The following RAI14 variants were observed in gnomAD, a reference collection of about 807,000 sequenced individuals.
RAI14 encodes retinoic acid induced 14, also known as ankycorbin.
In RAI14, 45 loss-of-function variants were observed where a neutral mutation model predicts 115.4. That is an observed-to-expected ratio of 0.39 (90% CI 0.31 to 0.50). RAI14 has a LOEUF of 0.50. Ranked by LOEUF, RAI14 falls within the 20% of genes least tolerant of loss-of-function variation. The pLI is 0.85. For missense variants in RAI14, 939 were observed against 1,131.2 expected (o/e 0.83, Z 2.44); for synonymous variants, 371 against 415.4 (o/e 0.89, Z 1.30).
chr5:34,717,706 AG>A (rs1471591190), intron 2 of RAI14, among the ~76,000 whole-genome samples: 1 of 152,076 alleles, frequency 6.6e-6, no homozygotes, highest in Non-Finnish European at 1.5e-5. Flanking sequence ...TTGCTGGCTG[AG>A]GGGTGGCTCT....
intron 3 of RAI14, among the ~76,000 whole-genome samples, chr5:34,783,002 G>C (rs1751851169): frequency 6.6e-6 from 1 of 152,158 alleles, no homozygotes; most frequent in South Asian, 2.1e-4. Context: ...TCAATTATAG[G>C]AGCAGATTTA....
At chr5:34,708,683 G>A (rs1384370948) in intron 2 of RAI14, among the ~76,000 whole-genome samples, 1 of 152,162 alleles carries the variant, frequency 6.6e-6, no homozygotes, top group African/African-American at 2.4e-5. Flanking sequence ...ATATTTGGAT[G>A]TTTTGCCAAG....
At chr5:34,768,424 AC>A (rs1644237948) in intron 3 of RAI14, among the ~76,000 whole-genome samples, 1 of 152,196 alleles carries the variant, frequency 6.6e-6, no homozygotes, top group Admixed American at 6.5e-5. Flanking sequence ...TATTCATTCA[AC>A]TTAGAGATCT....
rs567308691 is a variant in RAI14, at chr5:34,792,248, T to C, written c.168-3691T>C. The stretch of plus-strand genomic sequence containing the variant: ...CTTTTCTTTTTTCTTTTTTTTTTTT[T>C]TTTGAGACGGAGTCTCTCTCTGTCG... On this transcript the variant is annotated intron_variant, in intron 3 of 17. Transcript: ENST00000265109. 3.9e-4 allele frequency among the ~76,000 whole-genome samples: 59 copies of C among 149,700 alleles called. No homozygotes were observed. The East Asian group carries it at 6.2e-3, about 16-fold the overall frequency.
At chr5:34,661,035 T>C (rs1742652671) in intron 1 of RAI14, among the ~76,000 whole-genome samples, 1 of 152,180 alleles carries the variant, frequency 6.6e-6, no homozygotes, top group Non-Finnish European at 1.5e-5. Context: ...CTTACCACCT[T>C]CTAGCTTGCC....
At chr5:34,769,842 T>A (rs1749916383) in intron 3 of RAI14, among the ~76,000 whole-genome samples, 1 of 152,210 alleles carries the variant, frequency 6.6e-6, no homozygotes, top group Non-Finnish European at 1.5e-5. Context: ...TTCTCATGCC[T>A]CAGCCTCACG....
chr5:34,830,306 G>A (rs1757905371), intron 17 of RAI14, among the ~76,000 whole-genome samples: 1 of 152,172 alleles, frequency 6.6e-6, no homozygotes, highest in Admixed American at 6.5e-5. Context: ...ATTGAGGAAT[G>A]AGGGATGATG....
At chr5:34,673,899 C>G (rs1743793170) in intron 1 of RAI14, among the ~76,000 whole-genome samples, 1 of 152,172 alleles carries the variant, frequency 6.6e-6, no homozygotes, top group Non-Finnish European at 1.5e-5. Context: ...TCTGAATAGC[C>G]CTGATGAGGA....
chr5:34,822,903 G>A, intron 14 of RAI14, 53 bp from the exon 15 acceptor site: 2 of 1,424,674 alleles, frequency 1.4e-6, no homozygotes, highest in Non-Finnish European at 1.9e-6. Flanking sequence ...TAGCCAGGAT[G>A]GTCTCAATCT....
intron 2 of RAI14, among the ~76,000 whole-genome samples, chr5:34,705,588 A>G (rs980999973): frequency 1.3e-5 from 2 of 152,134 alleles, no homozygotes; most frequent in Non-Finnish European, 2.9e-5. Context: ...CTTTATACCC[A>G]GGAGTCACCA....
intron 2 of RAI14, among the ~76,000 whole-genome samples, chr5:34,709,102 C>T (rs1741085239): frequency 6.8e-6 from 1 of 147,472 alleles, no homozygotes; most frequent in African/African-American, 2.5e-5. Context: ...TGCTCTCCAG[C>T]CTAGGCAACA....
intron 2 of RAI14, among the ~76,000 whole-genome samples, chr5:34,715,689 C>T (rs751674080): frequency 6.6e-6 from 1 of 152,188 alleles, no homozygotes; most frequent in Non-Finnish European, 1.5e-5. Context: ...AAATACTTCT[C>T]ACCCTTCATG....
chr5:34,767,770 C>T (rs1050682229), intron 3 of RAI14, among the ~76,000 whole-genome samples: 3 of 151,934 alleles, frequency 2.0e-5, no homozygotes, highest in Non-Finnish European at 4.4e-5. Context: ...TGGTTTCCTA[C>T]GTACTTGTCT....
chr5:34,774,037 A>G (rs1034207426), intron 3 of RAI14, among the ~76,000 whole-genome samples: 2 of 151,982 alleles, frequency 1.3e-5, no homozygotes, highest in African/African-American at 4.8e-5. Context: ...AAAACCAAAG[A>G]CTCCACCACA....
At chr5:34,711,516 T>C (rs538994404) in intron 2 of RAI14, among the ~76,000 whole-genome samples, 1 of 152,356 alleles carries the variant, frequency 6.6e-6, no homozygotes, top group African/African-American at 2.4e-5. Context: ...CTTCAGTTAC[T>C]TCAGGCCATC....
In RAI14 at chr5:34,757,496, G is replaced by A. The variant is rs747140858; in HGVS notation, c.65G>A (p.Arg22Gln). 10 of 1,613,730 alleles carry A rather than the reference G, an allele frequency of 6.2e-6. No homozygotes were observed. The highest frequency in any genetic ancestry group is 2.2e-5 in the East Asian group (1 of 44,886). ...AATGAGTGGAACAAGAATGATGACC[G>A]GCTACTGCAGGCCGTGGAGAATGGA... Reference protein sequence around the residue: ...DTNEWNKNDDRLLQAVENGDA... With the variant: ...DTNEWNKNDDQLLQAVENGDA... Residue 22 changes from arginine (R) to glutamine (Q), a missense_variant, in exon 3 of 18, where the codon CGG becomes CAG. By Grantham distance (43) the Arg-to-Gln change is conservative. Transcript: ENST00000265109.
intron 5 of RAI14, among the ~76,000 whole-genome samples, chr5:34,804,988 G>A (rs918424764): frequency 5.3e-5 from 8 of 152,168 alleles, no homozygotes; most frequent in Middle Eastern, 3.2e-3. Flanking sequence ...GGATGTTCTC[G>A]TGGGCAAGAA....
intron 6 of RAI14, 69 bp downstream of exon 6, chr5:34,807,926 G>C: frequency 6.5e-6 from 8 of 1,237,492 alleles, no homozygotes; most frequent in Non-Finnish European, 9.6e-6. Context: ...TCCTTATTCA[G>C]GCCATTAACC....
In RAI14 at chr5:34,784,688, G is replaced by A. The variant is rs187417403; in HGVS notation, c.168-11251G>A. Among the ~76,000 whole-genome samples the A allele has an allele frequency of 7.2e-5, 11 of 152,280 alleles. No individual in the cohort carries two copies. In the East Asian group the frequency reaches 2.1e-3, roughly 29 times the overall value. On this transcript the variant is annotated intron_variant, in intron 3 of 17. Coordinates refer to ENST00000265109, the MANE Select transcript of RAI14 (RefSeq NM_015577.3). The stretch of plus-strand genomic sequence containing the variant: ...AACACCAGTAGGTGAATGCTGAGTT[G>A]GAAAAATTAGCAAATCTAGAGCCTT...
Sources: allele counts gnomAD v4.1 joint callset (sites outside exome capture counted in the v4.1 genomes callset), GRCh38; gene constraint gnomAD v4.1.1; transcripts MANE v1.5; gene names NCBI Gene and HGNC (gene_info 2026-07-23, HGNC 2026-07-21).